PRKAR1B: variants seen among roughly 807,000 people sequenced by gnomAD.
PRKAR1B encodes cAMP-dependent protein kinase type I-beta regulatory subunit.
PRKAR1B carries 22 observed loss-of-function variants against 46.5 expected under a neutral mutation model. That is an observed-to-expected ratio of 0.47 (90% CI 0.34 to 0.68). The LOEUF (loss-of-function observed/expected upper bound fraction) is 0.68, where lower values mean the gene tolerates loss of function less well. Among genes scored for constraint, PRKAR1B ranks in the 30% least tolerant of loss-of-function variants. The pLI, the probability that PRKAR1B is intolerant of heterozygous loss-of-function variation, is 0.01. For synonymous variants in PRKAR1B, 259 were observed against 217.7 expected (o/e 1.19, Z -1.67); for missense variants, 445 against 535.6 (o/e 0.83, Z 1.67).
At chr7:726,192 G>T (rs370731380) in intron 1 of PRKAR1B, among the ~76,000 whole-genome samples, 1 of 152,232 alleles carries the variant, frequency 6.6e-6, no homozygotes, top group African/African-American at 2.4e-5. Flanking sequence ...CTATTGGGCG[G>T]CTACGCCTGA....
intron 4 of PRKAR1B, among the ~76,000 whole-genome samples, chr7:622,636 C>A (rs954839786): frequency 2.0e-5 from 3 of 152,114 alleles, no homozygotes; most frequent in Non-Finnish European, 1.5e-5. Flanking sequence ...GTTATTCCCC[C>A]TCCCATGATG....
At chr7:656,599 A>G (rs1207840198) in intron 4 of PRKAR1B, among the ~76,000 whole-genome samples, 1 of 152,040 alleles carries the variant, frequency 6.6e-6, no homozygotes, top group African/African-American at 2.4e-5. Flanking sequence ...TAAATGGAAC[A>G]AAGGAATGGA....
At chr7:601,327 G>A (rs1781579658) in intron 6 of PRKAR1B, among the ~76,000 whole-genome samples, 1 of 152,206 alleles carries the variant, frequency 6.6e-6, no homozygotes, top group Admixed American at 6.5e-5. Context: ...ACAGAAACCA[G>A]CAAACAACAT....
chr7:627,042 T>A (rs988854406), intron 4 of PRKAR1B, among the ~76,000 whole-genome samples: 68 of 152,262 alleles, frequency 4.5e-4, no homozygotes, highest in African/African-American at 1.5e-3. Context: ...GCCCAACTAC[T>A]TTTTGTATTT....
At chr7:652,826 A>G (rs1165825347) in intron 4 of PRKAR1B, among the ~76,000 whole-genome samples, 1 of 152,224 alleles carries the variant, frequency 6.6e-6, no homozygotes, top group Non-Finnish European at 1.5e-5. Context: ...TTACATAACA[A>G]ACCACCTCAA....
intron 2 of PRKAR1B, among the ~76,000 whole-genome samples, chr7:707,521 G>A (rs1162526619): frequency 1.3e-5 from 2 of 151,978 alleles, no homozygotes; most frequent in Non-Finnish European, 2.9e-5. Context: ...TCCGTGAATC[G>A]TGTCCCCAGA....
intron 6 of PRKAR1B, among the ~76,000 whole-genome samples, chr7:598,150 A>ACCCT (rs2128457744): frequency 6.6e-6 from 1 of 150,858 alleles, no homozygotes; most frequent in Admixed American, 6.6e-5. Flanking sequence ...AAACACCATC[A>ACCCT]CCCTCCAGCA....
rs376176214 is a variant in PRKAR1B, at chr7:572,103, C to A, written c.891+7153G>T. On this transcript the variant is annotated intron_variant, in intron 9 of 10. Coordinates refer to ENST00000537384, the MANE Select transcript of PRKAR1B (RefSeq NM_001164760.2). ...CCTAGAAATATCCAGCTCCCCTCAC[C>A]CCGAGGCTGACGGCAGGTGCAGGCC... is the stretch of plus-strand genomic sequence containing the variant. Among the ~76,000 whole-genome samples the A allele has an allele frequency of 5.1e-4, 78 of 152,338 alleles. 1 individual carries two copies. The highest frequency in any genetic ancestry group is 1.8e-3 in the African/African-American group (75 of 41,584).
At position 560,255 on chromosome 7, in the gene PRKAR1B, A is replaced by G. The variant is rs1778701198; in HGVS notation, c.892-8785T>C. On this transcript the variant is annotated intron_variant, in intron 9 of 10. Coordinates refer to ENST00000537384, the MANE Select transcript of PRKAR1B (RefSeq NM_001164760.2). The surrounding 1 kb of genome is among the most constrained non-coding windows in gnomAD (Gnocchi z 4.2). ...TTCCACCATGATTGTAAGTTTCCTGAGACCTCCCCAGCCAGGCAGAATCAC... is the reference window on the plus strand; with the variant it reads ...TTCCACCATGATTGTAAGTTTCCTGGGACCTCCCCAGCCAGGCAGAATCAC... Among the ~76,000 whole-genome samples the G allele has an allele frequency of 6.6e-6, 1 of 151,984 alleles. No homozygotes were observed. The highest frequency in any genetic ancestry group is 2.4e-5 in the African/African-American group (1 of 41,342).
At chr7:579,492 A>G in intron 8 of PRKAR1B, 115 bp from the exon 9 acceptor site, 2 of 1,326,652 alleles carry the variant, frequency 1.5e-6, no homozygotes, top group East Asian at 2.4e-5. Flanking sequence ...TCACAACACC[A>G]GCTCCGTGAC....
At chr7:576,296 G>A (rs1201908603) in intron 9 of PRKAR1B, among the ~76,000 whole-genome samples, 1 of 152,222 alleles carries the variant, frequency 6.6e-6, no homozygotes, top group African/African-American at 2.4e-5. Flanking sequence ...GCCCGCCAGA[G>A]CCTCCTTCAA....
chr7:622,556 A>T (rs1387456957), intron 4 of PRKAR1B, among the ~76,000 whole-genome samples: 1 of 152,154 alleles, frequency 6.6e-6, no homozygotes, highest in South Asian at 2.1e-4. Context: ...GTTTTTTTCA[A>T]CTCTCTATTT....
At chr7:718,927 G>A (rs1288918447) in intron 1 of PRKAR1B, among the ~76,000 whole-genome samples, 4 of 138,610 alleles carry the variant, frequency 2.9e-5, no homozygotes, top group Non-Finnish European at 6.1e-5. Flanking sequence ...GCTGGAGTGC[G>A]GTGGCATGAT....
At chr7:588,603 ATGGTGATGGTGG>A (rs1583255972) in intron 7 of PRKAR1B, among the ~76,000 whole-genome samples, 4 of 11,842 alleles carry the variant, frequency 3.4e-4, no homozygotes, top group Non-Finnish European at 5.0e-4. Context: ...GACGGTGGTG[ATGGTGATGGTGG>A]TGATGGTGAT....
intron 6 of PRKAR1B, 128 bp from the exon 7 acceptor site, chr7:596,432 C>A: frequency 3.5e-6 from 4 of 1,146,068 alleles, no homozygotes; most frequent in Non-Finnish European, 4.8e-6. Flanking sequence ...CAAGCCCTTT[C>A]GCTTGTGGGC....
intron 2 of PRKAR1B, among the ~76,000 whole-genome samples, chr7:689,676 C>T (rs1041476306): frequency 2.0e-5 from 3 of 146,526 alleles, no homozygotes; most frequent in Non-Finnish European, 3.0e-5. Flanking sequence ...AAAAAAAGAC[C>T]CAAAGAGAAG....
chr7:693,954 A>G (rs1315704824), intron 2 of PRKAR1B, among the ~76,000 whole-genome samples: 1 of 152,158 alleles, frequency 6.6e-6, no homozygotes, highest in Non-Finnish European at 1.5e-5. Context: ...GACAGCATGC[A>G]TTGGGTTTGG....
upstream of PRKAR1B, chr7:727,441 T>A (rs1781379537): frequency 4.2e-6 from 1 of 238,700 alleles, no homozygotes; most frequent in Non-Finnish European, 6.4e-6. Context: ...CCCCCCAACA[T>A]CCCGGACCCC....
At chr7:722,128 T>C (rs1781096430) in intron 1 of PRKAR1B, among the ~76,000 whole-genome samples, 1 of 129,514 alleles carries the variant, frequency 7.7e-6, no homozygotes, top group Non-Finnish European at 1.6e-5. Flanking sequence ...TGAGATGGAG[T>C]CTTGCTCTGT....
Sources: gnomAD v4.1 joint callset for allele counts (sites outside exome capture counted in the v4.1 genomes callset) on GRCh38, gnomAD v4.1.1 for gene constraint, Gnocchi (gnomAD v3.1) non-coding constraint, MANE v1.5 for transcripts, NCBI Gene and HGNC (gene_info 2026-07-23, HGNC 2026-07-21) for gene names.